The following ST6GALNAC5 variants were observed in gnomAD, a reference collection of about 807,000 sequenced individuals.
The protein encoded by ST6GALNAC5 is alpha-N-acetylgalactosaminide alpha-2,6-sialyltransferase 5.
ST6GALNAC5 carries 27 observed loss-of-function variants against 33.6 expected under a neutral mutation model. That is an observed-to-expected ratio of 0.80 (90% confidence interval 0.59 to 1.11). The LOEUF is 1.11. ST6GALNAC5 is among the 50% of genes least tolerant of loss of function. The probability of loss-of-function intolerance (pLI) is 0.00; values close to 1 mark genes in which losing one functional copy is unlikely to be tolerated. For missense variants in ST6GALNAC5, 428 were observed against 454.0 expected, an observed-to-expected ratio of 0.94 and a Z score of 0.52; for synonymous variants, 194 against 171.2, an observed-to-expected ratio of 1.13 and a Z score of -1.04.
chr1:77,001,578 G>A lies in ST6GALNAC5; in HGVS notation c.262-42626G>A, dbSNP rs1447632176. On this transcript the variant is annotated intron_variant, in intron 2 of 4. Coordinates refer to ENST00000477717, the MANE Select transcript of ST6GALNAC5 (RefSeq NM_030965.3). Reference sequence around the variant, plus strand: ...GCATCCCTGTCTTGTGCCAGTTTTCGAAGGGAATGCTTCCAGTTTTTGCCC... The same window carrying A: ...GCATCCCTGTCTTGTGCCAGTTTTCAAAGGGAATGCTTCCAGTTTTTGCCC... Among the ~76,000 whole-genome samples the A allele has an allele frequency of 5.7e-4, 86 of 151,338 alleles. 1 individual carries two copies. The highest frequency in any genetic ancestry group is 1.7e-3 in the South Asian group (8 of 4,738).
intron 2 of ST6GALNAC5, among the ~76,000 whole-genome samples, chr1:76,907,200 T>C (rs564991596): frequency 3.3e-5 from 5 of 152,290 alleles, no homozygotes; most frequent in African/African-American, 1.2e-4. Context: ...CTCCTTTTTT[T>C]TCATTTCTAT....
chr1:76,983,289 T>G (rs1356855490), intron 2 of ST6GALNAC5, among the ~76,000 whole-genome samples: 1 of 151,984 alleles, frequency 6.6e-6, no homozygotes, highest in Non-Finnish European at 1.5e-5. Flanking sequence ...AAGACTCACA[T>G]AGACTCAAAA....
At chr1:77,007,632 TG>T (rs1297965319) in intron 2 of ST6GALNAC5, among the ~76,000 whole-genome samples, 17 of 152,246 alleles carry the variant, frequency 1.1e-4, no homozygotes, top group African/African-American at 4.1e-4. Flanking sequence ...TACTAATATT[TG>T]AGTAGAGAAA....
At chr1:76,961,974 T>A (rs142478756) in intron 2 of ST6GALNAC5, among the ~76,000 whole-genome samples, 101 of 152,292 alleles carry the variant, frequency 6.6e-4, no homozygotes, top group Middle Eastern at 3.4e-3. Flanking sequence ...AGATGCTGAA[T>A]AAAATGTTTG....
intron 2 of ST6GALNAC5, among the ~76,000 whole-genome samples, chr1:76,921,162 A>G (rs1647031057): frequency 1.3e-5 from 2 of 152,272 alleles, no homozygotes; most frequent in East Asian, 3.9e-4. Context: ...AAAGTTACAA[A>G]TGTGGCATGG....
chr1:77,036,629 G>GA (rs1195232410), intron 2 of ST6GALNAC5, among the ~76,000 whole-genome samples: 1 of 152,208 alleles, frequency 6.6e-6, no homozygotes, highest in Non-Finnish European at 1.5e-5. Flanking sequence ...GAAGAATGGG[G>GA]ACACTTAAAA....
intron 2 of ST6GALNAC5, among the ~76,000 whole-genome samples, chr1:77,018,645 A>G (rs1362952965): frequency 6.6e-6 from 1 of 152,232 alleles, no homozygotes; most frequent in Non-Finnish European, 1.5e-5. Flanking sequence ...TGCGTCTGCC[A>G]CACAGTGAAT....
At chr1:76,991,283 C>A (rs1048331685) in intron 2 of ST6GALNAC5, among the ~76,000 whole-genome samples, 2 of 151,988 alleles carry the variant, frequency 1.3e-5, no homozygotes, top group African/African-American at 2.4e-5. Context: ...TGTTGGCTTG[C>A]GGAAAGCAAA....
At chr1:76,938,699 A>T (rs1240688365) in intron 2 of ST6GALNAC5, among the ~76,000 whole-genome samples, 1 of 152,092 alleles carries the variant, frequency 6.6e-6, no homozygotes, top group Non-Finnish European at 1.5e-5. Flanking sequence ...ACCAGAAGAC[A>T]TCTACAGATA....
chr1:77,014,925 A>G (rs1020571302), intron 2 of ST6GALNAC5, among the ~76,000 whole-genome samples: 2 of 152,228 alleles, frequency 1.3e-5, no homozygotes, highest in African/African-American at 4.8e-5. Flanking sequence ...AGAAATTTGA[A>G]TGACTTCCTT....
chr1:76,924,856 A>C (rs1240998293), intron 2 of ST6GALNAC5, among the ~76,000 whole-genome samples: 3 of 152,164 alleles, frequency 2.0e-5, no homozygotes, highest in African/African-American at 7.2e-5. Flanking sequence ...AGTGTTTTGA[A>C]ACTAAGGAGA....
In ST6GALNAC5 at chr1:76,878,452, G is replaced by A. The variant is rs551839074; in HGVS notation, c.261+9710G>A. On this transcript the variant is annotated intron_variant, in intron 2 of 4. Coordinates refer to ENST00000477717, the MANE Select transcript of ST6GALNAC5 (RefSeq NM_030965.3). The stretch of plus-strand genomic sequence containing the variant: ...CCTACTTTAATGGGAGGACCTCAAC[G>A]ACATTTTAGGTACCCTGGAATCAAT... 1.4e-4 allele frequency among the ~76,000 whole-genome samples: 21 copies of A among 152,218 alleles called. 1 individual carries two copies. The highest frequency in any genetic ancestry group is 4.8e-4 in the African/African-American group (20 of 41,528).
chr1:76,950,016 G>A (rs1647680961), intron 2 of ST6GALNAC5, among the ~76,000 whole-genome samples: 1 of 152,148 alleles, frequency 6.6e-6, no homozygotes, highest in Non-Finnish European at 1.5e-5. Flanking sequence ...CTTAGCATGA[G>A]GGGACTTGTC....
At chr1:77,027,102 G>C (rs1651271010) in intron 2 of ST6GALNAC5, among the ~76,000 whole-genome samples, 1 of 152,208 alleles carries the variant, frequency 6.6e-6, no homozygotes, top group Non-Finnish European at 1.5e-5. Context: ...GAAGCAAGCA[G>C]CAGGTGCCAG....
chr1:77,036,094 A>C (rs902587232), intron 2 of ST6GALNAC5, among the ~76,000 whole-genome samples: 2 of 152,354 alleles, frequency 1.3e-5, no homozygotes, highest in Admixed American at 1.3e-4. Flanking sequence ...ACATATGTGT[A>C]TATGTACAAG....
At chr1:77,023,207 G>A (rs1651117114) in intron 2 of ST6GALNAC5, among the ~76,000 whole-genome samples, 1 of 152,202 alleles carries the variant, frequency 6.6e-6, no homozygotes, top group South Asian at 2.1e-4. Context: ...CTGTTGCGGG[G>A]AGGGATTCTG....
intron 2 of ST6GALNAC5, among the ~76,000 whole-genome samples, chr1:77,010,565 C>T (rs766564457): frequency 6.6e-6 from 1 of 152,070 alleles, no homozygotes; most frequent in Non-Finnish European, 1.5e-5. Context: ...AAGCAGTGAC[C>T]CTTGGCAGCT....
chr1:76,949,367 C>T (rs1176854098), intron 2 of ST6GALNAC5, among the ~76,000 whole-genome samples: 2 of 152,088 alleles, frequency 1.3e-5, no homozygotes, highest in African/African-American at 2.4e-5. Context: ...CTCAGTTTTG[C>T]CATCAGAGAT....
intron 2 of ST6GALNAC5, among the ~76,000 whole-genome samples, chr1:76,929,627 A>G (rs1185701450): frequency 1.3e-5 from 2 of 152,158 alleles, no homozygotes; most frequent in African/African-American, 4.8e-5. Context: ...CCTGTGCATT[A>G]CGATAGCTGC....
Sources: gnomAD v4.1 joint callset for allele counts (sites outside exome capture counted in the v4.1 genomes callset) on GRCh38, gnomAD v4.1.1 for gene constraint, MANE v1.5 for transcripts, NCBI Gene and HGNC (gene_info 2026-07-23, HGNC 2026-07-21) for gene names.